FRMD4A: variants seen among roughly 807,000 people sequenced by gnomAD.
FRMD4A encodes the protein FERM domain containing 4A.
A neutral mutation model predicts 129.1 loss-of-function variants in FRMD4A; 29 were observed. That is an observed-to-expected ratio of 0.22 (90% confidence interval 0.17 to 0.31). The LOEUF is 0.31. Ranked by LOEUF, FRMD4A falls within the 10% of genes least tolerant of loss-of-function variation. The pLI, the probability that FRMD4A is intolerant of heterozygous loss-of-function variation, is 1.00. For synonymous variants in FRMD4A, 634 were observed against 571.6 expected (o/e 1.11, Z -1.56); for missense variants, 1,272 against 1,375.8 (o/e 0.92, Z 1.19).
intron 15 of FRMD4A, chr10:13,684,202 A>C (rs560007834): frequency 2.4e-6 from 1 of 411,470 alleles, no homozygotes; most frequent in South Asian, 1.0e-4. Flanking sequence ...TTTCAATCCT[A>C]ATCCAAAGGA....
At chr10:14,180,444 G>A (rs1008991621) in intron 2 of FRMD4A, among the ~76,000 whole-genome samples, 4 of 152,168 alleles carry the variant, frequency 2.6e-5, no homozygotes, top group African/African-American at 9.7e-5. Flanking sequence ...AATGCGCATG[G>A]GAAAGATACA....
chr10:14,295,953 T>C (rs1845994441), intron 2 of FRMD4A, among the ~76,000 whole-genome samples: 1 of 152,184 alleles, frequency 6.6e-6, no homozygotes, highest in Non-Finnish European at 1.5e-5. Context: ...TGCCATGACA[T>C]GTTATGACTC....
At chr10:13,842,740 A>G (rs1184375379) in intron 3 of FRMD4A, among the ~76,000 whole-genome samples, 5 of 152,208 alleles carry the variant, frequency 3.3e-5, no homozygotes, top group African/African-American at 1.2e-4. Context: ...AATGTGTCTT[A>G]TTTAAAAGAC....
chr10:14,180,850 C>T (rs537116244), intron 2 of FRMD4A, among the ~76,000 whole-genome samples: 112 of 152,328 alleles, frequency 7.4e-4, no homozygotes, highest in Non-Finnish European at 1.4e-3. Flanking sequence ...AATGTCTAAG[C>T]TCCAAGACAC....
intron 2 of FRMD4A, among the ~76,000 whole-genome samples, chr10:14,288,655 C>T (rs1305207703): frequency 6.6e-6 from 1 of 152,088 alleles, no homozygotes; most frequent in Admixed American, 6.6e-5. Context: ...TTTTTAAGTG[C>T]ACAATATTTT....
intron 2 of FRMD4A, among the ~76,000 whole-genome samples, chr10:13,869,218 C>A (rs574130376): frequency 6.6e-6 from 1 of 152,302 alleles, no homozygotes; most frequent in East Asian, 1.9e-4. Context: ...GGCAGCGTGT[C>A]AGAAAACATT....
chr10:14,045,342 C>T (rs748453988), intron 2 of FRMD4A, among the ~76,000 whole-genome samples: 5 of 152,092 alleles, frequency 3.3e-5, no homozygotes, highest in Non-Finnish European at 5.9e-5. Flanking sequence ...AACACTGTAC[C>T]GCTTTTTCAA....
In FRMD4A at chr10:13,746,251, G is replaced by A. The variant is rs183189025; in HGVS notation, c.548+1485C>T. ...TTTTGAGATGGACTCTCGCTCTGTC[G>A]CCAGGCTGGAGTGCAGTGGCACAAT... On this transcript the variant is annotated intron_variant, in intron 9 of 24. Transcript: ENST00000357447. Among the ~76,000 whole-genome samples, 18 of 152,040 alleles carry A rather than the reference G, an allele frequency of 1.2e-4. No homozygotes were observed. The East Asian group carries it at 1.5e-3, about 13-fold the overall frequency.
chr10:14,151,580 C>T (rs187557666), intron 2 of FRMD4A, among the ~76,000 whole-genome samples: 197 of 152,190 alleles, frequency 1.3e-3, no homozygotes, highest in African/African-American at 4.5e-3. Context: ...CACTGGGAGT[C>T]CAATCCCCCC....
At chr10:14,214,990 T>C (rs1390857039) in intron 2 of FRMD4A, among the ~76,000 whole-genome samples, 4 of 152,344 alleles carry the variant, frequency 2.6e-5, no homozygotes, top group East Asian at 3.8e-4. Flanking sequence ...CAACTTATTA[T>C]TGAGGCTGAA....
chr10:13,829,127 G>C (rs11258661), intron 3 of FRMD4A, among the ~76,000 whole-genome samples: 117,264 of 152,136 alleles, frequency 0.77, 45,350 homozygotes, highest in East Asian at 0.89. Context: ...CCCAAATGGT[G>C]AGTGTTAAAT....
At chr10:13,955,626 C>G (rs1187986320) in intron 2 of FRMD4A, among the ~76,000 whole-genome samples, 1 of 152,232 alleles carries the variant, frequency 6.6e-6, no homozygotes, top group Non-Finnish European at 1.5e-5. Flanking sequence ...GGCTACAGTT[C>G]CCTCCTTAAT....
At chr10:13,970,295 CG>C (rs150964192) in intron 2 of FRMD4A, among the ~76,000 whole-genome samples, 18,855 of 152,070 alleles carry the variant, frequency 0.12, 3,000 homozygotes, top group African/African-American at 0.36. Context: ...GTCTACCCCC[CG>C]CCTGCCCAGG....
At chr10:13,985,785 G>T (rs1189636413) in intron 2 of FRMD4A, among the ~76,000 whole-genome samples, 1 of 152,208 alleles carries the variant, frequency 6.6e-6, no homozygotes, top group Non-Finnish European at 1.5e-5. Flanking sequence ...TTTGACACAA[G>T]CTTTAGAGCA....
At chr10:13,788,214 A>AC in intron 5 of FRMD4A, among the ~76,000 whole-genome samples, 1 of 151,572 alleles carries the variant, frequency 6.6e-6, no homozygotes, top group East Asian at 1.9e-4. Context: ...TCCAGGGTCC[A>AC]CCCCTCCCAC....
intron 16 of FRMD4A, among the ~76,000 whole-genome samples, chr10:13,672,637 C>T (rs943731873): frequency 3.3e-5 from 5 of 152,256 alleles, no homozygotes; most frequent in South Asian, 2.1e-4. Context: ...TGGAGCTGCA[C>T]GCTGAAGACG....
intron 2 of FRMD4A, among the ~76,000 whole-genome samples, chr10:14,319,499 C>A (rs564711126): frequency 3.3e-5 from 5 of 152,310 alleles, no homozygotes; most frequent in East Asian, 3.9e-4. Context: ...TCTAATGGAA[C>A]TGCATTTAAC....
chr10:13,845,912 C>T (rs1303050530), intron 3 of FRMD4A, among the ~76,000 whole-genome samples: 1 of 152,224 alleles, frequency 6.6e-6, no homozygotes, highest in African/African-American at 2.4e-5. Flanking sequence ...CCTGTGCTCT[C>T]AGCGTGCTGG....
chr10:13,701,829 T>C (rs1199265562), intron 13 of FRMD4A, among the ~76,000 whole-genome samples: 1 of 152,216 alleles, frequency 6.6e-6, no homozygotes, highest in African/African-American at 2.4e-5. Context: ...AGGAAAACCT[T>C]CAATGATGCT....
Sources: gnomAD v4.1 joint callset for allele counts (sites outside exome capture counted in the v4.1 genomes callset) on GRCh38, gnomAD v4.1.1 for gene constraint, MANE v1.5 for transcripts, NCBI Gene and HGNC (gene_info 2026-07-23, HGNC 2026-07-21) for gene names.